LRRC42: variants seen among roughly 807,000 people sequenced by gnomAD.
LRRC42 encodes the protein leucine-rich repeat-containing protein 42.
LRRC42 carries 43 observed loss-of-function variants against 44.3 expected under a neutral mutation model. The ratio of observed to expected loss-of-function variants is 0.97; its 90% CI spans 0.76 to 1.25. The LOEUF (loss-of-function observed/expected upper bound fraction) is 1.25. Among genes scored for constraint, LRRC42 ranks in the 50% most tolerant of loss-of-function variants. The probability of loss-of-function intolerance (pLI) is 0.00; values close to 1 mark genes in which losing one functional copy is unlikely to be tolerated. For synonymous variants in LRRC42, 207 were observed against 195.2 expected, an observed-to-expected ratio of 1.06 and a Z score of -0.50; for missense variants, 540 against 509.1, an observed-to-expected ratio of 1.06 and a Z score of -0.58.
intron 2 of LRRC42, among the ~76,000 whole-genome samples, 172 bp from the exon 3 acceptor site, chr1:53,951,814 A>C (rs1654689195): frequency 6.6e-6 from 1 of 152,222 alleles, no homozygotes; most frequent in Non-Finnish European, 1.5e-5. Flanking sequence ...TAGCGGCAAT[A>C]GAGGCAACCT....
At chr1:53,950,178 A>G (rs1176139889) in intron 2 of LRRC42, among the ~76,000 whole-genome samples, 3 of 152,196 alleles carry the variant, frequency 2.0e-5, no homozygotes, top group African/African-American at 7.2e-5. Context: ...AAGGTTTCCC[A>G]GAAGAGGGAC....
chr1:53,962,833 A>G (rs1439361669), intron 7 of LRRC42, among the ~76,000 whole-genome samples: 1 of 152,120 alleles, frequency 6.6e-6, no homozygotes, highest in Admixed American at 6.5e-5. Flanking sequence ...GTTTTGGGAA[A>G]GTTTCTTACC....
chr1:53,967,943 G>A lies in LRRC42; in HGVS notation c.*4G>A, dbSNP rs776488667. 1.9e-6 allele frequency: 3 copies of A among 1,608,008 alleles called. No homozygotes were observed. The highest frequency in any genetic ancestry group is 2.6e-6 in the Non-Finnish European group (3 of 1,175,614). On this transcript the variant is annotated 3_prime_UTR_variant, in exon 9 of 9. Transcript: ENST00000371370. ...GGACTTGTTAAATTCCTATTGATTA[G>A]TAGATACAAGTTGACCTTTCTCTGG...
At position 53,960,406 on chromosome 1, in the gene LRRC42, G is replaced by A. The variant is rs1420917928; in HGVS notation, c.656G>A (p.Arg219Gln). Residue 219 changes from arginine to glutamine, a missense_variant, in exon 5 of 9, where the codon CGG becomes CAG. Transcript: ENST00000371370. ...KDNCLSDAGVRKMTAPVRVMK... is the reference protein window; with the variant it reads ...KDNCLSDAGVQKMTAPVRVMK... Reference sequence around the variant, plus strand: ...AATTGTTTATCTGATGCTGGGGTGCGGAAGATGACAGCACCAGTTCGAGTG... The same window carrying A: ...AATTGTTTATCTGATGCTGGGGTGCAGAAGATGACAGCACCAGTTCGAGTG... The A allele has an allele frequency of 4.0e-5, 64 of 1,613,876 alleles. No homozygotes were observed. Among genetic ancestry groups the A allele is most frequent in the Non-Finnish European group, 4.7e-5 (56 of 1,179,976 alleles).
rs889497555 is a variant in LRRC42 at position 53,946,532 on chromosome 1, C to T, written c.-66C>T. The T allele has an allele frequency of 6.6e-6, 1 of 151,982 alleles. No individual in the cohort carries two copies. 9.4% of individuals were successfully genotyped at this position (151,982 alleles called of 1,614,324 possible). A position where few individuals can be genotyped will look rare whatever the true frequency, so the allele number is the denominator to read the frequency against. ...GTCACCGAGGAGCTGCCGCTCGCTG[C>T]CCCGGGCAGGGGCACAGGTAGGTGG... On this transcript the variant is annotated 5_prime_UTR_variant, in exon 1 of 9. Coordinates refer to ENST00000371370, the MANE Select transcript of LRRC42 (RefSeq NM_001256409.2).
At chr1:53,962,450 C>T (rs1161887664) in intron 7 of LRRC42, 41 bp downstream of exon 7, 1 of 1,206,622 alleles carries the variant, frequency 8.3e-7, no homozygotes, top group African/African-American at 1.5e-5. Flanking sequence ...TGCAGCTTTT[C>T]ATCTTAATTC....
chr1:53,965,770 C>T lies in LRRC42; in HGVS notation c.928-526C>T, dbSNP rs753168219. Among the ~76,000 whole-genome samples, 3 of 152,164 alleles carry T rather than the reference C, an allele frequency of 2.0e-5. No individual in the cohort carries two copies. The East Asian group carries it at 5.8e-4, about 29-fold the overall frequency. ...GATTATAGGCGTGAGCCACCGCGCC[C>T]GGCCACATATTTCTAAAAGAATTGG... is the stretch of plus-strand genomic sequence containing the variant. On this transcript the variant is annotated intron_variant, in intron 7 of 8. Transcript: ENST00000371370.
intron 5 of LRRC42, among the ~76,000 whole-genome samples, chr1:53,961,677 A>G (rs1215085069): frequency 1.3e-5 from 2 of 149,444 alleles, no homozygotes; most frequent in Non-Finnish European, 2.9e-5. Context: ...TTTACTTTGG[A>G]GGTGAAATGG....
rs564008303 is a variant in LRRC42, at chr1:53,954,956, A to G, written c.473+2484A>G. ...CAAAGATGGGAACAGATATTTTTAC[A>G]TAAGAGTGTTCATTGTAGTACTGTT... On this transcript the variant is annotated intron_variant, in intron 3 of 8. Transcript: ENST00000371370. Among the ~76,000 whole-genome samples the G allele has an allele frequency of 7.2e-5, 11 of 152,384 alleles. No homozygotes were observed. The South Asian group carries it at 1.7e-3, about 23-fold the overall frequency.
At position 53,960,258 on chromosome 1, in the gene LRRC42, T is replaced by C. The variant is rs1654957951; in HGVS notation, c.606-98T>C. The C allele has an allele frequency of 2.0e-5, 16 of 811,396 alleles. No homozygotes were observed. In the South Asian group the frequency reaches 2.5e-4, roughly 12 times the overall value. The allele number at this position is 811,396 out of a possible 1,614,324, so 50.3% of individuals were successfully genotyped here. The stretch of plus-strand genomic sequence containing the variant: ...ATGAAATAGCAAGAGGTAGAGGATA[T>C]GTTATATTTTTAAATGAAAATGTTG... On this transcript the variant is annotated intron_variant, in intron 4 of 8. Transcript: ENST00000371370.
chr1:53,952,317 C>T lies in LRRC42; in HGVS notation c.318C>T (p.Ser106=). The change falls in exon 3 of 9, where the codon TCC becomes TCT. Residue 106 remains serine, a synonymous_variant. Coordinates refer to ENST00000371370, the MANE Select transcript of LRRC42 (RefSeq NM_001256409.2). ...FISDNVDHID[S]LIGFPEQIAE... is the part of the protein sequence containing the mutation. Reference sequence around the variant, plus strand: ...CCGACAATGTGGATCACATTGATTCCCTTATTGGCTTTCCTGAGCAGATTG... The same window carrying T: ...CCGACAATGTGGATCACATTGATTCTCTTATTGGCTTTCCTGAGCAGATTG... 1.9e-6 allele frequency: 3 copies of T among 1,614,202 alleles called. No homozygotes were observed. The highest frequency in any genetic ancestry group is 3.3e-5 in the Admixed American group (2 of 60,032).
chr1:53,958,546 G>A (rs113628864), intron 4 of LRRC42, among the ~76,000 whole-genome samples: 2 of 152,034 alleles, frequency 1.3e-5, no homozygotes, highest in African/African-American at 4.8e-5. Flanking sequence ...TTGAAGCTAC[G>A]TAGGTTAAAA....
intron 3 of LRRC42, among the ~76,000 whole-genome samples, chr1:53,954,782 C>G (rs1654785650): frequency 6.6e-6 from 1 of 152,192 alleles, no homozygotes; most frequent in African/African-American, 2.4e-5. Flanking sequence ...TAGCACTTTT[C>G]ATTCACATTT....
In LRRC42 at chr1:53,962,339, T is replaced by A; in HGVS notation, c.857T>A (p.Leu286His). 6.2e-7 allele frequency: 1 copy of A among 1,614,184 alleles called. No individual in the cohort carries two copies. The highest frequency in any genetic ancestry group is 8.5e-7 in the Non-Finnish European group (1 of 1,180,000). Residue 286 changes from leucine to histidine, a missense_variant, in exon 7 of 9, where the codon CTT becomes CAT. Coordinates refer to ENST00000371370, the MANE Select transcript of LRRC42 (RefSeq NM_001256409.2). ...CACAAGCTCCAGACCCACATAGGCC[T>A]TGTTCACTCCAAAGTGCCTTTGAAG... The part of the protein sequence containing the change: ...VKHKLQTHIG[L>H]VHSKVPLKEF...
Position 53,960,485 on chromosome 1 carries a change from T to TC in LRRC42, c.724+11_724+12insC. ...TATTAGACTTATCATGTAAGTTTTC[T>TC]TCGAAATTATAGATTATTTTAATGT... On this transcript the variant is annotated intron_variant, in intron 5 of 8. Coordinates refer to ENST00000371370, the MANE Select transcript of LRRC42 (RefSeq NM_001256409.2). The TC allele has an allele frequency of 6.5e-7, 1 of 1,534,990 alleles. No individual in the cohort carries two copies.
In LRRC42 at chr1:53,967,871, T is replaced by G; in HGVS notation, c.1219T>G (p.Ser407Ala). The G allele has an allele frequency of 1.2e-6, 2 of 1,614,170 alleles. No individual in the cohort carries two copies. Among genetic ancestry groups the G allele is most frequent in the Non-Finnish European group, 1.7e-6 (2 of 1,180,034 alleles). The change falls in exon 9 of 9, where the codon TCA (serine) becomes GCA (alanine). Residue 407 changes from serine (S) to alanine (A), a missense_variant. By Grantham distance (99) the Ser-to-Ala change is moderately conservative. Coordinates refer to ENST00000371370, the MANE Select transcript of LRRC42 (RefSeq NM_001256409.2). ...EESETEQNNS[S>A]QPSKQKYVCL... ...GTCAGAGACAGAACAGAATAACTCT[T>G]CACAACCTTCAAAGCAGAAATATGT...
rs1433694482 is a variant in LRRC42 at position 53,947,805 on chromosome 1, C to G, written c.-31C>G. 6.6e-6 allele frequency: 1 copy of G among 152,012 alleles called. No homozygotes were observed. Among genetic ancestry groups the G allele is most frequent in the East Asian group, 1.9e-4 (1 of 5,156 alleles). The allele number at this position is 152,012 out of a possible 1,614,324, so 9.4% of individuals were successfully genotyped here. On this transcript the variant is annotated 5_prime_UTR_variant, in exon 2 of 9. Coordinates refer to ENST00000371370, the MANE Select transcript of LRRC42 (RefSeq NM_001256409.2). ...CCCCCCAGGCTTCATCCAGTGAATA[C>G]TAGAGGGATCGAACAGGTGGGTGAG...
intron 5 of LRRC42, 96 bp downstream of exon 5, chr1:53,960,570 A>G: frequency 2.2e-6 from 2 of 928,714 alleles, no homozygotes; most frequent in South Asian, 1.6e-5. Context: ...GTGAGAAAGG[A>G]AAGGTGACTT....
intron 3 of LRRC42, among the ~76,000 whole-genome samples, 160 bp downstream of exon 3, chr1:53,952,632 CT>C (rs1489204923): frequency 9.2e-5 from 14 of 152,296 alleles, no homozygotes; most frequent in Non-Finnish European, 1.5e-4. Flanking sequence ...ATCACTCTTC[CT>C]TCTCCTCACC....
Sources: allele counts gnomAD v4.1 joint callset (sites outside exome capture counted in the v4.1 genomes callset), GRCh38; gene constraint gnomAD v4.1.1; transcripts MANE v1.5; gene names NCBI Gene and HGNC (gene_info 2026-07-23, HGNC 2026-07-21).